TMX4: variants seen among roughly 807,000 people sequenced by gnomAD.
TMX4 encodes thioredoxin related transmembrane protein 4, also known as thioredoxin-related transmembrane protein 4.
TMX4 carries 23 observed loss-of-function variants against 33.3 expected under a neutral mutation model. That is an observed-to-expected ratio of 0.69 (90% confidence interval 0.50 to 0.98). The LOEUF is 0.98. TMX4 is among the 50% of genes least tolerant of loss of function. TMX4 has a pLI of 0.00. For synonymous variants in TMX4, 164 were observed against 161.5 expected, an observed-to-expected ratio of 1.02 and a Z score of -0.12; for missense variants, 399 against 448.9, an observed-to-expected ratio of 0.89 and a Z score of 1.01.
intron 5 of TMX4, among the ~76,000 whole-genome samples, chr20:7,988,064 G>C (rs1291401678): frequency 1.3e-5 from 2 of 152,176 alleles, no homozygotes; most frequent in East Asian, 3.8e-4. Context: ...ATCACAGCTA[G>C]AAAGTATTTA....
chr20:7,988,823 G>C (rs1381016712), intron 5 of TMX4, among the ~76,000 whole-genome samples: 1 of 152,102 alleles, frequency 6.6e-6, no homozygotes, highest in Non-Finnish European at 1.5e-5. Context: ...AGGAGTTCGA[G>C]ACCAGCCTGA....
chr20:8,018,479 GGGGAGAGA>G (rs2050791766), intron 1 of TMX4, among the ~76,000 whole-genome samples: 1 of 33,656 alleles, frequency 3.0e-5, no homozygotes, highest in African/African-American at 1.4e-4. Flanking sequence ...AGGGAGGGAG[GGGGAGAGA>G]GAGAGAGAGA....
At chr20:8,004,491 T>G (rs1488190824) in intron 2 of TMX4, among the ~76,000 whole-genome samples, 1 of 152,182 alleles carries the variant, frequency 6.6e-6, no homozygotes, top group African/African-American at 2.4e-5. Flanking sequence ...CTTCCAAAAT[T>G]TCTACATGCC....
At chr20:8,018,338 A>AGGAGG (rs2050785590) in intron 1 of TMX4, among the ~76,000 whole-genome samples, 2 of 114,046 alleles carry the variant, frequency 1.8e-5, no homozygotes, top group East Asian at 4.2e-4. Flanking sequence ...AGAGAGAGAG[A>AGGAGG]GAGAGAGGAG....
In TMX4 at chr20:7,981,396, AT is replaced by A. The variant is rs1299579417; in HGVS notation, c.*854del. On this transcript the variant is annotated 3_prime_UTR_variant, in exon 8 of 8. Transcript: ENST00000246024. ...TATTGCTTAGAAAACTTAAAAAAAAATCAACAACAACTATATTTTGGACAAA... is the reference window on the plus strand; with the variant it reads ...TATTGCTTAGAAAACTTAAAAAAAAACAACAACAACTATATTTTGGACAAA... 1.3e-5 allele frequency: 2 copies of A among 152,194 alleles called. No homozygotes were observed. Among genetic ancestry groups the A allele is most frequent in the Non-Finnish European group, 2.9e-5 (2 of 68,042 alleles). The allele number at this position is 152,194 out of a possible 1,614,324, so 9.4% of individuals were successfully genotyped here.
chr20:8,019,502 G>C lies in TMX4; in HGVS notation c.112C>G (p.Arg38Gly). ...EEAALPPEQS[R>G]VQPMTASNWT... is the part of the protein sequence containing the mutation. Reference sequence around the variant, plus strand: ...TTGGAGGCGGTCATGGGCTGGACCCGGCTCTGCTCCGGCGGCAGCGCGGCC... The same window carrying C: ...TTGGAGGCGGTCATGGGCTGGACCCCGCTCTGCTCCGGCGGCAGCGCGGCC... The change falls in exon 1 of 8, where the codon CGG (arginine) becomes GGG (glycine). Residue 38 changes from arginine to glycine, a missense_variant. Arg to Gly is a moderately radical substitution (Grantham distance 125). Coordinates refer to ENST00000246024, the MANE Select transcript of TMX4 (RefSeq NM_021156.4). 1 of 1,504,880 alleles carries C rather than the reference G, an allele frequency of 6.6e-7. No individual in the cohort carries two copies. 93.2% of individuals were successfully genotyped at this position (1,504,880 alleles called of 1,614,324 possible).
intron 4 of TMX4, among the ~76,000 whole-genome samples, chr20:7,996,275 C>A (rs897578194): frequency 4.6e-5 from 7 of 152,102 alleles, no homozygotes; most frequent in African/African-American, 1.4e-4. Flanking sequence ...AACTCCTTGG[C>A]CCTTTCTCCT....
chr20:7,984,643 T>C (rs2050622769), intron 6 of TMX4, among the ~76,000 whole-genome samples: 1 of 152,208 alleles, frequency 6.6e-6, no homozygotes, highest in Non-Finnish European at 1.5e-5. Flanking sequence ...TATTTATAAT[T>C]GACACACAGT....
chr20:7,993,297 G>C (rs1003979317), intron 5 of TMX4, among the ~76,000 whole-genome samples: 1 of 152,102 alleles, frequency 6.6e-6, no homozygotes, highest in Non-Finnish European at 1.5e-5. Context: ...ACCATGTACA[G>C]TTGTTTCTTC....
chr20:7,983,022 A>AT (rs1568532741), intron 7 of TMX4, among the ~76,000 whole-genome samples: 1 of 152,164 alleles, frequency 6.6e-6, no homozygotes, highest in Non-Finnish European at 1.5e-5. Flanking sequence ...TTCTTCAGGG[A>AT]TTTTTAAACA....
rs954379944 is a variant in TMX4 at position 7,980,607 on chromosome 20, A to G, written c.*1644T>C. The G allele has an allele frequency of 6.6e-6, 1 of 152,280 alleles. No homozygotes were observed. The highest frequency in any genetic ancestry group is 2.4e-5 in the African/African-American group (1 of 41,456). 9.4% of individuals were successfully genotyped at this position (152,280 alleles called of 1,614,324 possible). A position where few individuals can be genotyped will look rare whatever the true frequency, so the allele number is the denominator to read the frequency against. On this transcript the variant is annotated 3_prime_UTR_variant, in exon 8 of 8. Coordinates refer to ENST00000246024, the MANE Select transcript of TMX4 (RefSeq NM_021156.4). Reference sequence around the variant, plus strand: ...ATGGCCTCGATTTTGAAGCTGCACTACTGTCTGAAAAGCACAATTACTGGT... The same window carrying G: ...ATGGCCTCGATTTTGAAGCTGCACTGCTGTCTGAAAAGCACAATTACTGGT...
chr20:8,018,259 T>C (rs892784747), intron 1 of TMX4, among the ~76,000 whole-genome samples: 1 of 1,004 alleles, frequency 1.0e-3, no homozygotes, highest in Non-Finnish European at 1.8e-3. Flanking sequence ...ATTTTATGTT[T>C]GGGGGGTGGG....
At chr20:7,988,354 T>C (rs1031505264) in intron 5 of TMX4, among the ~76,000 whole-genome samples, 1 of 152,222 alleles carries the variant, frequency 6.6e-6, no homozygotes, top group Non-Finnish European at 1.5e-5. Context: ...ATTTCCTATT[T>C]CTCAAAATCT....
chr20:8,013,968 T>A (rs1190293493), intron 1 of TMX4: 1 of 152,230 alleles, frequency 6.6e-6, no homozygotes, highest in Non-Finnish European at 1.5e-5. Flanking sequence ...TATACTAGGT[T>A]CATCTTTCTA....
At chr20:7,994,876 T>C (rs978461263) in intron 5 of TMX4, among the ~76,000 whole-genome samples, 2 of 152,308 alleles carry the variant, frequency 1.3e-5, no homozygotes, top group East Asian at 1.9e-4. Flanking sequence ...CTCACCAATG[T>C]TAAGAAAGCA....
intron 4 of TMX4, among the ~76,000 whole-genome samples, chr20:7,999,404 T>C (rs1600144032): frequency 6.6e-6 from 1 of 152,296 alleles, no homozygotes; most frequent in East Asian, 1.9e-4. Context: ...CATCAATAAC[T>C]TAAAAGGAAG....
chr20:8,001,773 T>C (rs1283149765), intron 2 of TMX4, among the ~76,000 whole-genome samples: 1 of 152,192 alleles, frequency 6.6e-6, no homozygotes, highest in Non-Finnish European at 1.5e-5. Context: ...AAGGATAGGA[T>C]TTAGAGTCAT....
At chr20:8,014,450 C>A (rs529136520) in intron 1 of TMX4, among the ~76,000 whole-genome samples, 2 of 152,294 alleles carry the variant, frequency 1.3e-5, no homozygotes, top group South Asian at 4.1e-4. Context: ...TTTACCTAGT[C>A]ACAAAGTATT....
At chr20:7,997,764 C>T (rs866106034) in intron 4 of TMX4, among the ~76,000 whole-genome samples, 1 of 152,216 alleles carries the variant, frequency 6.6e-6, no homozygotes, top group South Asian at 2.1e-4. Context: ...AATAAAATTG[C>T]TTTGCTAAAT....
Sources: allele counts gnomAD v4.1 joint callset (sites outside exome capture counted in the v4.1 genomes callset), GRCh38; gene constraint gnomAD v4.1.1; transcripts MANE v1.5; gene names NCBI Gene and HGNC (gene_info 2026-07-23, HGNC 2026-07-21).